COL21A1: variants seen among roughly 807,000 people sequenced by gnomAD.
The protein encoded by COL21A1 is collagen type XXI alpha 1 chain.
COL21A1 carries 149 observed loss-of-function variants against 137.9 expected under a neutral mutation model. The ratio of observed to expected loss-of-function variants is 1.08; its 90% CI spans 0.95 to 1.24. COL21A1 has a LOEUF of 1.24. Ranked by LOEUF, COL21A1 falls within the 50% of genes most tolerant of loss-of-function variation. The probability of loss-of-function intolerance (pLI) is 0.00; values close to 1 mark genes in which losing one functional copy is unlikely to be tolerated. For synonymous variants in COL21A1, 456 were observed against 391.5 expected (o/e 1.16, Z -1.95); for missense variants, 1,167 against 1,158.4 (o/e 1.01, Z -0.11).
At chr6:56,238,863 T>A (rs1391578337) in intron 1 of COL21A1, among the ~76,000 whole-genome samples, 2 of 152,220 alleles carry the variant, frequency 1.3e-5, no homozygotes, top group Admixed American at 1.3e-4. Flanking sequence ...TTACTTATGA[T>A]AATAACTAAT....
At chr6:56,260,532 C>CTTGG (rs1430651098) in intron 1 of COL21A1, among the ~76,000 whole-genome samples, 11 of 146,956 alleles carry the variant, frequency 7.5e-5, no homozygotes, top group Non-Finnish European at 1.5e-4. Context: ...CAAGACTGAG[C>CTTGG]ATCTGCACTT....
chr6:56,112,731 C>A (rs62412798), intron 16 of COL21A1, among the ~76,000 whole-genome samples: 10,337 of 141,608 alleles, frequency 0.073, 400 homozygotes, highest in Middle Eastern at 0.12. Flanking sequence ...GTTAGCCAGG[C>A]TGGAGTGCAA....
chr6:56,363,799 A>G (rs1766032024), intron 1 of COL21A1, among the ~76,000 whole-genome samples: 1 of 152,186 alleles, frequency 6.6e-6, no homozygotes, highest in Non-Finnish European at 1.5e-5. Context: ...ACATTCCCAA[A>G]CAACCCCCAA....
rs1562139450 is a variant in COL21A1, at chr6:56,064,640, A to C, written c.2128-18T>G. 4 of 1,547,636 alleles carry C rather than the reference A, an allele frequency of 2.6e-6. No homozygotes were observed. Among genetic ancestry groups the C allele is most frequent in the East Asian group, 4.7e-5 (2 of 42,422 alleles). On this transcript the variant is annotated intron_variant, in intron 23 of 29. Transcript: ENST00000244728. ...TTTTGACCCTTTAAAATAAAAAAAA[A>C]CATTATTGATTAGTTTGCACACTTA...
In COL21A1 at chr6:56,289,530, T is replaced by G. The variant is rs546250987; in HGVS notation, c.-39+104441A>C. On this transcript the variant is annotated intron_variant, in intron 1 of 28. Coordinates refer to the COL21A1 transcript ENST00000370819. The stretch of plus-strand genomic sequence containing the variant: ...GATAATACCTGGTTCTGAAACTTTA[T>G]GTAGTCTCCAGCATCTAGAAAAGCC... Among the ~76,000 whole-genome samples, 7 of 152,352 alleles carry G rather than the reference T, an allele frequency of 4.6e-5. No individual in the cohort carries two copies. The South Asian group carries it at 1.2e-3, about 27-fold the overall frequency.
At chr6:56,127,124 A>G (rs1300532603) in intron 12 of COL21A1, among the ~76,000 whole-genome samples, 4 of 152,156 alleles carry the variant, frequency 2.6e-5, no homozygotes. Flanking sequence ...CCATGAATGC[A>G]GAGGATTAAT....
intron 16 of COL21A1, among the ~76,000 whole-genome samples, chr6:56,118,956 C>T (rs1200603099): frequency 6.6e-6 from 1 of 152,002 alleles, no homozygotes; most frequent in Non-Finnish European, 1.5e-5. Flanking sequence ...CTATGACAAA[C>T]CCACAGCTAG....
chr6:56,383,207 A>G (rs1409859377), intron 1 of COL21A1, among the ~76,000 whole-genome samples: 1 of 152,138 alleles, frequency 6.6e-6, no homozygotes, highest in Non-Finnish European at 1.5e-5. Flanking sequence ...TAGATTCCAG[A>G]CAGCTGCCTT....
At chr6:56,288,178 AT>A (rs1409122155) in intron 1 of COL21A1, among the ~76,000 whole-genome samples, 3 of 152,284 alleles carry the variant, frequency 2.0e-5, no homozygotes, top group Admixed American at 2.0e-4. Flanking sequence ...GTTACATGAA[AT>A]AACACTTATC....
chr6:56,208,574 A>G (rs1266522787), intron 1 of COL21A1, among the ~76,000 whole-genome samples: 1 of 152,254 alleles, frequency 6.6e-6, no homozygotes, highest in Non-Finnish European at 1.5e-5. Flanking sequence ...GGAAGAATCA[A>G]TATCGTGAAA....
Position 56,307,564 on chromosome 6 carries a change from C to T in COL21A1, c.-39+86407G>A, listed in dbSNP as rs187131423. On this transcript the variant is annotated intron_variant, in intron 1 of 28. Coordinates refer to the COL21A1 transcript ENST00000370819. ...CTCCTGGTGTGCCATTTGCTAAGAC[C>T]GTTGGAAAAACACAGTATTAGGGTG... 3.9e-5 allele frequency among the ~76,000 whole-genome samples: 6 copies of T among 152,326 alleles called. No homozygotes were observed. In the East Asian group the frequency reaches 7.7e-4, roughly 20 times the overall value.
intron 24 of COL21A1, among the ~76,000 whole-genome samples, chr6:56,062,445 T>C (rs1241387118): frequency 1.3e-5 from 2 of 152,142 alleles, no homozygotes; most frequent in Non-Finnish European, 2.9e-5. Flanking sequence ...TTGAAATTCA[T>C]TGTACACCTG....
At chr6:56,345,436 T>A (rs1765575047) in intron 1 of COL21A1, among the ~76,000 whole-genome samples, 1 of 152,214 alleles carries the variant, frequency 6.6e-6, no homozygotes, top group Non-Finnish European at 1.5e-5. Context: ...TATCTCCTTT[T>A]TATAGATGAA....
chr6:56,135,016 T>A (rs1773875492), intron 12 of COL21A1, among the ~76,000 whole-genome samples: 1 of 151,682 alleles, frequency 6.6e-6, no homozygotes, highest in Non-Finnish European at 1.5e-5. Context: ...AACCAAAAAT[T>A]AAAGGTAAAA....
At position 56,121,512 on chromosome 6, in the gene COL21A1, G is replaced by GTA. The variant is rs1372843162; in HGVS notation, c.1758+2548_1758+2549dup. 3.9e-4 allele frequency among the ~76,000 whole-genome samples: 47 copies of GTA among 121,028 alleles called. 2 individuals are homozygous for GTA. The highest frequency in any genetic ancestry group is 1.5e-3 in the Admixed American group (16 of 10,948). The allele number at this position is 121,028 out of a possible 152,430, so 79.4% of individuals were successfully genotyped here. A position where few individuals can be genotyped will look rare whatever the true frequency, so the allele number is the denominator to read the frequency against. ...TACATATATATGTATATTCATATGT[G>GTA]TATATATATATACATATACATATAT... is the stretch of plus-strand genomic sequence containing the variant. On this transcript the variant is annotated intron_variant, in intron 16 of 29. Coordinates refer to ENST00000244728, the MANE Select transcript of COL21A1 (RefSeq NM_030820.4).
In COL21A1 at chr6:56,260,280, T is replaced by G. The variant is rs968091499; in HGVS notation, c.-38-77624A>C. Among the ~76,000 whole-genome samples the G allele has an allele frequency of 2.6e-5, 4 of 152,076 alleles. No individual in the cohort carries two copies. The East Asian group carries it at 7.7e-4, about 29-fold the overall frequency. ...CAAAAGATGTGAGGTACTATTATAT[T>G]ATTACAGAAAACATGGAATCTGGCC... On this transcript the variant is annotated intron_variant, in intron 1 of 28. Transcript: ENST00000370819.
intron 17 of COL21A1, among the ~76,000 whole-genome samples, chr6:56,089,151 T>A (rs868400954): frequency 6.6e-6 from 1 of 152,184 alleles, no homozygotes. Flanking sequence ...ATGGAGATGA[T>A]TAGCATCACA....
chr6:56,165,918 A>ACACATG (rs1253010743), intron 7 of COL21A1, among the ~76,000 whole-genome samples: 1 of 33,880 alleles, frequency 3.0e-5, no homozygotes, highest in African/African-American at 1.1e-4. Flanking sequence ...ACACACACAC[A>ACACATG]CACACACACA....
chr6:56,231,907 ATG>A (rs201522274), intron 1 of COL21A1, among the ~76,000 whole-genome samples: 2,306 of 151,958 alleles, frequency 0.015, 33 homozygotes, highest in Non-Finnish European at 0.023. Context: ...TTCCTTTTAA[ATG>A]AGTAACAAGC....
Sources: allele counts gnomAD v4.1 joint callset (sites outside exome capture counted in the v4.1 genomes callset), GRCh38; gene constraint gnomAD v4.1.1; transcripts MANE v1.5; gene names NCBI Gene and HGNC (gene_info 2026-07-23, HGNC 2026-07-21).